SCN2A: variants seen among roughly 807,000 people sequenced by gnomAD.
SCN2A encodes the protein sodium channel protein type 2 subunit alpha.
A neutral mutation model predicts 188.7 loss-of-function variants in SCN2A; 20 were observed. The ratio of observed to expected loss-of-function variants is 0.11; its 90% confidence interval spans 0.07 to 0.15. SCN2A has a LOEUF of 0.15. Among genes scored for constraint, SCN2A ranks in the 10% least tolerant of loss-of-function variants. SCN2A has a pLI of 1.00. For synonymous variants in SCN2A, 804 were observed against 833.1 expected, an observed-to-expected ratio of 0.97 and a Z score of 0.60; for missense variants, 1,278 against 2,445.0, an observed-to-expected ratio of 0.52 and a Z score of 10.07.
chr2:165,340,589 G>A (rs976211077), intron 14 of SCN2A, among the ~76,000 whole-genome samples: 5 of 152,156 alleles, frequency 3.3e-5, no homozygotes, highest in Admixed American at 2.0e-4. Flanking sequence ...TAGAGACTAG[G>A]AGGTATGCTT....
chr2:165,330,268 A>G (rs1471937409), intron 13 of SCN2A, among the ~76,000 whole-genome samples: 1 of 152,184 alleles, frequency 6.6e-6, no homozygotes, highest in Non-Finnish European at 1.5e-5. Flanking sequence ...TTGGCAGAAC[A>G]GGTAATAGGG....
At chr2:165,322,556 A>C (rs1698130421) in intron 11 of SCN2A, among the ~76,000 whole-genome samples, 1 of 152,242 alleles carries the variant, frequency 6.6e-6, no homozygotes, top group South Asian at 2.1e-4. Context: ...TAAATCATAC[A>C]GTTATTTCAG....
At chr2:165,275,886 C>T (rs1286886931) in intron 1 of SCN2A, among the ~76,000 whole-genome samples, 1 of 152,102 alleles carries the variant, frequency 6.6e-6, no homozygotes, top group Non-Finnish European at 1.5e-5. Flanking sequence ...AGGCACCCGC[C>T]ACCACGCCTG....
intron 1 of SCN2A, among the ~76,000 whole-genome samples, chr2:165,251,819 T>C (rs913308580): frequency 2.0e-5 from 3 of 152,110 alleles, no homozygotes; most frequent in African/African-American, 7.2e-5. Context: ...CTTTGATTAA[T>C]ATAATAGCTA....
intron 3 of SCN2A, among the ~76,000 whole-genome samples, chr2:165,305,634 G>A (rs1697081055): frequency 6.6e-6 from 1 of 152,196 alleles, no homozygotes; most frequent in African/African-American, 2.4e-5. Context: ...ATGCTAAGGG[G>A]AGGAACCATC....
At chr2:165,341,993 C>T (rs1699345654) in intron 14 of SCN2A, among the ~76,000 whole-genome samples, 1 of 152,030 alleles carries the variant, frequency 6.6e-6, no homozygotes, top group Non-Finnish European at 1.5e-5. Context: ...TTTTGGAGGG[C>T]TAGAAAGATC....
chr2:165,285,914 G>A (rs1695806189), intron 1 of SCN2A: 1 of 225,012 alleles, frequency 4.4e-6, no homozygotes, highest in Admixed American at 4.2e-5. Context: ...AAGGAACAAT[G>A]AATTGATTTG....
chr2:165,296,052 C>G lies in SCN2A; in HGVS notation c.229C>G (p.Pro77Ala). 2 of 1,613,958 alleles carry G rather than the reference C, an allele frequency of 1.2e-6. No homozygotes were observed. Among genetic ancestry groups the G allele is most frequent in the Non-Finnish European group, 1.7e-6 (2 of 1,180,010 alleles). ...GDIPPEMVSV[P>A]LEDLDPYYIN... is the part of the protein sequence containing the mutation. ...CATTCCTCCAGAGATGGTGTCAGTG[C>G]CCCTGGAGGATCTGGACCCCTACTA... Residue 77 changes from proline to alanine, a missense_variant, in exon 2 of 27, where the codon CCC becomes GCC. Around this residue, in one of 17 missense-constraint regions of SCN2A, gnomAD observed 141 missense variants for 185.4 expected, o/e 0.76. Coordinates refer to ENST00000375437, the MANE Select transcript of SCN2A (RefSeq NM_001040142.2).
At chr2:165,242,556 T>C (rs1173292632) in intron 1 of SCN2A, among the ~76,000 whole-genome samples, 4 of 152,294 alleles carry the variant, frequency 2.6e-5, no homozygotes, top group Non-Finnish European at 5.9e-5. Flanking sequence ...ACAGGGGCTC[T>C]GAGGACTAAA....
chr2:165,373,506 C>A (rs549916793), intron 21 of SCN2A, among the ~76,000 whole-genome samples, 159 bp downstream of exon 21: 2 of 152,138 alleles, frequency 1.3e-5, no homozygotes, highest in Non-Finnish European at 2.9e-5. Context: ...GCCCATAATA[C>A]TTGGCACTGC....
At chr2:165,291,351 C>T (rs1696107865) in intron 1 of SCN2A, among the ~76,000 whole-genome samples, 1 of 29,136 alleles carries the variant, frequency 3.4e-5, no homozygotes, top group South Asian at 8.7e-4. Flanking sequence ...GTCTGTCGTT[C>T]GTTCCTTCCT....
At chr2:165,246,721 A>G (rs1405647763) in intron 1 of SCN2A, among the ~76,000 whole-genome samples, 6 of 151,880 alleles carry the variant, frequency 4.0e-5, no homozygotes, top group African/African-American at 1.5e-4. Flanking sequence ...CCTCATATTC[A>G]GTTCCCACCT....
Position 165,373,355 on chromosome 2 carries a change from T to C in SCN2A, c.3972+8T>C, listed in dbSNP as rs370314217. On this transcript the variant is annotated splice_region_variant and intron_variant, in intron 21 of 26. Coordinates refer to ENST00000375437, the MANE Select transcript of SCN2A (RefSeq NM_001040142.2). ...CGGTTTGAAGGAATGAGGGTAAGAC[T>C]GAATGCCTTAGAGTTTGTCAGAATT... 2 of 1,613,028 alleles carry C rather than the reference T, an allele frequency of 1.2e-6. No individual in the cohort carries two copies. The highest frequency in any genetic ancestry group is 1.7e-6 in the Non-Finnish European group (2 of 1,179,228).
chr2:165,271,344 A>T (rs1695095799), intron 1 of SCN2A: 1 of 152,174 alleles, frequency 6.6e-6, no homozygotes. Context: ...TTCCCATTAA[A>T]GTATGATTCA....
At chr2:165,289,400 A>G (rs1386836755) in intron 1 of SCN2A, among the ~76,000 whole-genome samples, 1 of 152,092 alleles carries the variant, frequency 6.6e-6, no homozygotes, top group Non-Finnish European at 1.5e-5. Flanking sequence ...CAGAATTTAG[A>G]ATCCCAATTC....
chr2:165,384,361 AT>A (rs1461202352), intron 25 of SCN2A, among the ~76,000 whole-genome samples: 1 of 152,098 alleles, frequency 6.6e-6, no homozygotes, highest in Non-Finnish European at 1.5e-5. Flanking sequence ...GAGAACATAA[AT>A]TTTTGGTGAA....
intron 26 of SCN2A, among the ~76,000 whole-genome samples, 169 bp downstream of exon 26, chr2:165,387,185 G>A (rs1352054062): frequency 1.3e-5 from 2 of 152,158 alleles, no homozygotes; most frequent in East Asian, 3.8e-4. Context: ...ATTGCATGCT[G>A]TGCTTGAAAT....
At chr2:165,356,252 CCTT>C (rs1700174944) in intron 17 of SCN2A, among the ~76,000 whole-genome samples, 1 of 152,092 alleles carries the variant, frequency 6.6e-6, no homozygotes, top group South Asian at 2.1e-4. Context: ...AGTAATAAAA[CCTT>C]CTGTCCTGGG....
At chr2:165,376,686 G>T (rs552722149) in intron 22 of SCN2A, among the ~76,000 whole-genome samples, 1 of 150,036 alleles carries the variant, frequency 6.7e-6, no homozygotes, top group Non-Finnish European at 1.5e-5. Context: ...GGCCCCAAGG[G>T]GGGTTGAAAA....
Sources: gnomAD v4.1 joint callset for allele counts (sites outside exome capture counted in the v4.1 genomes callset) on GRCh38, gnomAD v4.1.1 for gene constraint, gnomAD v4.1.1 regional missense constraint, MANE v1.5 for transcripts, NCBI Gene and HGNC (gene_info 2026-07-23, HGNC 2026-07-21) for gene names.